DNAL1: variants seen among roughly 807,000 people sequenced by gnomAD.
The protein encoded by DNAL1 is dynein axonemal light chain 1.
A neutral mutation model predicts 29.4 loss-of-function variants in DNAL1; 17 were observed. The observed-to-expected ratio is 0.58, with a 90% confidence interval of 0.40 to 0.87. The LOEUF is 0.87. DNAL1 is among the 40% of genes least tolerant of loss of function. DNAL1 has a pLI of 0.00. For missense variants in DNAL1, 188 were observed against 214.1 expected (o/e 0.88, Z 0.76); for synonymous variants, 78 against 76.3 (o/e 1.02, Z -0.12).
intron 5 of DNAL1, among the ~76,000 whole-genome samples, chr14:73,682,869 ATTTTTTTTTTT>A (rs57815202): frequency 9.8e-6 from 1 of 101,838 alleles, no homozygotes; most frequent in Non-Finnish European, 1.9e-5. Context: ...TTTTATAGTT[ATTTTTTTTTTT>A]TTTTTTTTTT....
intron 4 of DNAL1, among the ~76,000 whole-genome samples, chr14:73,666,632 C>T (rs1456169823): frequency 3.3e-5 from 5 of 152,068 alleles, no homozygotes; most frequent in Non-Finnish European, 7.4e-5. Flanking sequence ...TTTCCTTATA[C>T]AGTAATAAAT....
chr14:73,688,137 A>G (rs368737383), intron 6 of DNAL1, among the ~76,000 whole-genome samples: 3 of 152,206 alleles, frequency 2.0e-5, no homozygotes, highest in Admixed American at 6.5e-5. Context: ...CTTCAAAGGT[A>G]GAAGACTTAT....
intron 7 of DNAL1, 148 bp from the exon 8 acceptor site, chr14:73,695,754 C>T (rs1164177863): frequency 2.0e-6 from 1 of 505,294 alleles, no homozygotes; most frequent in African/African-American, 2.0e-5. Flanking sequence ...GTCTTGAACT[C>T]CTGACCTCAG....
chr14:73,692,161 A>G (rs1410071744), intron 7 of DNAL1, among the ~76,000 whole-genome samples: 1 of 151,796 alleles, frequency 6.6e-6, no homozygotes, highest in African/African-American at 2.4e-5. Context: ...TCAGGGTTGT[A>G]CGTAGAAAGC....
intron 1 of DNAL1, among the ~76,000 whole-genome samples, chr14:73,654,600 A>C (rs1003458585): frequency 1.3e-5 from 2 of 152,092 alleles, no homozygotes; most frequent in African/African-American, 4.8e-5. Flanking sequence ...TCTACTAAAA[A>C]TACAAAAAAT....
chr14:73,668,221 A>T (rs764012584), intron 4 of DNAL1, among the ~76,000 whole-genome samples: 1 of 149,778 alleles, frequency 6.7e-6, no homozygotes, highest in Non-Finnish European at 1.5e-5. Context: ...TTCACTATCT[A>T]ATATACTTAC....
At chr14:73,671,157 T>C (rs8013206) in intron 4 of DNAL1, among the ~76,000 whole-genome samples, 44,623 of 152,040 alleles carry the variant, frequency 0.29, 6,820 homozygotes, top group Middle Eastern at 0.42. Flanking sequence ...AGATGGACAA[T>C]ATATAAATAT....
intron 6 of DNAL1, 146 bp downstream of exon 6, chr14:73,687,531 C>T (rs191776396): frequency 1.1e-6 from 1 of 950,912 alleles, no homozygotes; most frequent in East Asian, 3.1e-5. Flanking sequence ...AGAGAAACAG[C>T]AATAGGAGTT....
At chr14:73,659,582 A>T (rs1480339775) in intron 3 of DNAL1, 1 of 152,196 alleles carries the variant, frequency 6.6e-6, no homozygotes, top group Non-Finnish European at 1.5e-5. Flanking sequence ...GGAATGCGTC[A>T]CGATTGTATG....
chr14:73,693,652 AATGAGCTGTG>A (rs1421459842), intron 7 of DNAL1, among the ~76,000 whole-genome samples: 2 of 151,972 alleles, frequency 1.3e-5, no homozygotes, highest in African/African-American at 4.8e-5. Flanking sequence ...TTGAGGCTGT[AATGAGCTGTG>A]ATCACACCCC....
At chr14:73,660,195 G>T (rs1443626953) in intron 3 of DNAL1, among the ~76,000 whole-genome samples, 2 of 152,294 alleles carry the variant, frequency 1.3e-5, no homozygotes, top group African/African-American at 4.8e-5. Context: ...CTCCCAAAGT[G>T]CTGGGACTAC....
At chr14:73,671,115 AT>A (rs1399514338) in intron 4 of DNAL1, among the ~76,000 whole-genome samples, 5 of 151,830 alleles carry the variant, frequency 3.3e-5, no homozygotes, top group Non-Finnish European at 7.4e-5. Flanking sequence ...TACCAAATTT[AT>A]TTTTTTTCAC....
intron 5 of DNAL1, among the ~76,000 whole-genome samples, chr14:73,677,547 TTTA>T (rs1891764946): frequency 6.7e-6 from 1 of 148,874 alleles, no homozygotes; most frequent in South Asian, 2.1e-4. Context: ...TATAAATATA[TTTA>T]TTTATTTATT....
At chr14:73,679,319 G>T (rs1012420) in intron 5 of DNAL1, among the ~76,000 whole-genome samples, 1 of 151,820 alleles carries the variant, frequency 6.6e-6, no homozygotes, top group African/African-American at 2.4e-5. Context: ...ATACTTGTTG[G>T]TTTTTTTAAA....
intron 5 of DNAL1, among the ~76,000 whole-genome samples, chr14:73,681,660 TGGGTGTG>T (rs1184358950): frequency 9.3e-6 from 1 of 107,006 alleles, no homozygotes; most frequent in African/African-American, 4.5e-5. Flanking sequence ...ATATATTAGT[TGGGTGTG>T]GTGATGCACA....
chr14:73,671,655 T>C, intron 5 of DNAL1, 58 bp downstream of exon 5: 1 of 1,344,710 alleles, frequency 7.4e-7, no homozygotes, highest in East Asian at 3.1e-5. Context: ...TATGAATAAT[T>C]TCTTGGATAA....
intron 5 of DNAL1, among the ~76,000 whole-genome samples, chr14:73,679,771 A>G (rs891622590): frequency 1.4e-5 from 2 of 144,184 alleles, no homozygotes; most frequent in Non-Finnish European, 3.0e-5. Flanking sequence ...GGTCTTAGGT[A>G]CTAGATTGTA....
chr14:73,655,080 C>G (rs1891186056), intron 2 of DNAL1, among the ~76,000 whole-genome samples, 195 bp downstream of exon 2: 1 of 152,024 alleles, frequency 6.6e-6, no homozygotes, highest in African/African-American at 2.4e-5. Context: ...TACACACAGT[C>G]ATACATGCAC....
intron 5 of DNAL1, among the ~76,000 whole-genome samples, chr14:73,685,498 C>T (rs12436289): frequency 0.23 from 33,146 of 145,040 alleles, 4,938 homozygotes; most frequent in Non-Finnish European, 0.33. Context: ...CTCACTGTAT[C>T]GCTGAGGCTG....
Sources: allele counts gnomAD v4.1 joint callset (sites outside exome capture counted in the v4.1 genomes callset), GRCh38; gene constraint gnomAD v4.1.1; transcripts MANE v1.5; gene names NCBI Gene and HGNC (gene_info 2026-07-23, HGNC 2026-07-21).